The following ATXN2 variants were observed in gnomAD, a reference collection of about 807,000 sequenced individuals.
ATXN2 encodes ataxin-2.
Under a neutral mutation model 138.6 loss-of-function variants are expected in ATXN2, and 37 were observed. The ratio of observed to expected loss-of-function variants is 0.27; its 90% CI spans 0.21 to 0.35. ATXN2 has a LOEUF of 0.35. Ranked by LOEUF, ATXN2 falls within the 10% of genes least tolerant of loss-of-function variation. The pLI is 1.00. For missense variants in ATXN2, 1,216 were observed against 1,480.3 expected, an observed-to-expected ratio of 0.82 and a Z score of 2.93; for synonymous variants, 549 against 543.7, an observed-to-expected ratio of 1.01 and a Z score of -0.13.
At chr12:111,482,090 A>G (rs1268234360) in intron 18 of ATXN2, among the ~76,000 whole-genome samples, 1 of 150,272 alleles carries the variant, frequency 6.7e-6, no homozygotes, top group African/African-American at 2.4e-5. Context: ...AGTGGCTCAC[A>G]CCTGTAATCC....
At chr12:111,566,834 C>T (rs1314519551) in intron 1 of ATXN2, among the ~76,000 whole-genome samples, 1 of 152,084 alleles carries the variant, frequency 6.6e-6, no homozygotes, top group Non-Finnish European at 1.5e-5. Context: ...AACGGGGTTT[C>T]ACCACGTTTG....
chr12:111,529,750 A>T (rs1420256217), intron 5 of ATXN2, among the ~76,000 whole-genome samples: 1 of 152,214 alleles, frequency 6.6e-6, no homozygotes, highest in African/African-American at 2.4e-5. Flanking sequence ...TGAGCCAATA[A>T]TGCCTCTGAA....
intron 5 of ATXN2, among the ~76,000 whole-genome samples, chr12:111,544,713 A>G (rs1881709783): frequency 6.6e-6 from 1 of 152,196 alleles, no homozygotes; most frequent in Non-Finnish European, 1.5e-5. Flanking sequence ...TGATCAATAA[A>G]CATAAAAAAT....
intron 14 of ATXN2, among the ~76,000 whole-genome samples, chr12:111,504,621 G>A (rs1000577021): frequency 6.6e-6 from 1 of 152,006 alleles, no homozygotes; most frequent in East Asian, 1.9e-4. Flanking sequence ...AGATGGTGCT[G>A]GGACAACTAA....
At chr12:111,569,474 A>G (rs376210560) in intron 1 of ATXN2, among the ~76,000 whole-genome samples, 23 of 152,326 alleles carry the variant, frequency 1.5e-4, no homozygotes, top group African/African-American at 5.1e-4. Flanking sequence ...CACACCTGCA[A>G]TCCCAGCACT....
intron 6 of ATXN2, among the ~76,000 whole-genome samples, chr12:111,523,121 A>T (rs1880278105): frequency 6.6e-6 from 1 of 151,048 alleles, no homozygotes; most frequent in South Asian, 2.1e-4. Context: ...TCTACTAAAA[A>T]CACAAAAATT....
At chr12:111,586,244 T>C (rs1884323184) in intron 1 of ATXN2, among the ~76,000 whole-genome samples, 1 of 148,006 alleles carries the variant, frequency 6.8e-6, no homozygotes, top group African/African-American at 2.5e-5. Flanking sequence ...TGAGACAGAG[T>C]CTCACTCTGC....
chr12:111,489,639 G>A (rs1877888994), intron 14 of ATXN2, among the ~76,000 whole-genome samples: 1 of 150,906 alleles, frequency 6.6e-6, no homozygotes, highest in Non-Finnish European at 1.5e-5. Flanking sequence ...TAGCACCAAT[G>A]AGCTGGGCAC....
At chr12:111,473,118 CA>C (rs756845642) in intron 18 of ATXN2, among the ~76,000 whole-genome samples, 13 of 151,532 alleles carry the variant, frequency 8.6e-5, no homozygotes, top group Non-Finnish European at 1.9e-4. Context: ...GCAAAATATA[CA>C]AAAATTAAGC....
chr12:111,471,073 G>A (rs984205355), intron 18 of ATXN2: 5 of 228,194 alleles, frequency 2.2e-5, no homozygotes, highest in Non-Finnish European at 4.4e-5. Context: ...TTATGAAATC[G>A]CTTCTCATAT....
chr12:111,505,873 G>A (rs1202786988), intron 14 of ATXN2, among the ~76,000 whole-genome samples: 1 of 152,014 alleles, frequency 6.6e-6, no homozygotes, highest in African/African-American at 2.4e-5. Flanking sequence ...GATAGGACGA[G>A]AAAAAAACTG....
intron 14 of ATXN2, among the ~76,000 whole-genome samples, chr12:111,506,297 G>A (rs1037216938): frequency 6.6e-6 from 1 of 152,110 alleles, no homozygotes; most frequent in African/African-American, 2.4e-5. Flanking sequence ...CAACTGAGAA[G>A]ACGGTTGTAC....
At chr12:111,548,492 A>G (rs548967792) in intron 5 of ATXN2, among the ~76,000 whole-genome samples, 1 of 152,238 alleles carries the variant, frequency 6.6e-6, no homozygotes, top group Non-Finnish European at 1.5e-5. Context: ...AATATTATCA[A>G]CCTTAATAAT....
intron 5 of ATXN2, among the ~76,000 whole-genome samples, chr12:111,535,056 GC>G (rs1162381447): frequency 1.3e-5 from 2 of 152,168 alleles, no homozygotes; most frequent in Non-Finnish European, 2.9e-5. Flanking sequence ...AACAGCTTGA[GC>G]CCAGGAAGCA....
intron 18 of ATXN2, among the ~76,000 whole-genome samples, chr12:111,481,265 A>G (rs897605209): frequency 4.6e-5 from 7 of 152,108 alleles, no homozygotes; most frequent in Non-Finnish European, 1.5e-5. Flanking sequence ...GGAAGCACGG[A>G]GAAGCTCCAT....
rs1877805471 is a variant in ATXN2 at position 111,488,654 on chromosome 12, T to C, written c.2062A>G (p.Ser688Gly). Residue 688 changes from serine (S) to glycine (G), a missense_variant, in exon 15 of 25, where the codon AGC (serine) becomes GGC (glycine). Ser to Gly is a moderately conservative substitution (Grantham distance 56, BLOSUM62 0). This residue lies in a region of ATXN2 where 490 missense variants were observed against 653.5 expected (regional missense o/e 0.75). Transcript: ENST00000673436. ...PSAKDSFIEN[S>G]SSNCTSGSSK... ...CTGCCACTGGTACAGTTGCTGCTGC[T>C]ATTTTCAATGAAAGAATCCTTAGCA... 1.9e-6 allele frequency: 3 copies of C among 1,614,172 alleles called. No individual in the cohort carries two copies. Among genetic ancestry groups the C allele is most frequent in the Non-Finnish European group, 1.7e-6 (2 of 1,180,012 alleles).
chr12:111,550,691 G>A (rs554942949), intron 5 of ATXN2, among the ~76,000 whole-genome samples: 1 of 152,268 alleles, frequency 6.6e-6, no homozygotes, highest in South Asian at 2.1e-4. Context: ...ACAAAAAGTT[G>A]TGAATCAAAG....
chr12:111,593,588 C>T (rs1280092814), intron 1 of ATXN2, among the ~76,000 whole-genome samples: 1 of 150,008 alleles, frequency 6.7e-6, no homozygotes, highest in Non-Finnish European at 1.5e-5. Flanking sequence ...CTTTAAGCAA[C>T]TACAGGCTTA....
At chr12:111,582,770 G>A (rs928859894) in intron 1 of ATXN2, among the ~76,000 whole-genome samples, 1 of 151,992 alleles carries the variant, frequency 6.6e-6, no homozygotes, top group East Asian at 1.9e-4. Flanking sequence ...CCGGGTTCAC[G>A]CCATTCTCCT....
Sources: allele counts gnomAD v4.1 joint callset (sites outside exome capture counted in the v4.1 genomes callset), GRCh38; gene constraint gnomAD v4.1.1; regional missense constraint gnomAD v4.1.1; transcripts MANE v1.5; gene names NCBI Gene and HGNC (gene_info 2026-07-23, HGNC 2026-07-21).